The following NTNG1 variants were observed in gnomAD, a reference collection of about 807,000 sequenced individuals.
NTNG1 encodes the protein netrin G1.
A neutral mutation model predicts 54.0 loss-of-function variants in NTNG1; 16 were observed. That is an observed-to-expected ratio of 0.30 (90% CI 0.20 to 0.45). The LOEUF (loss-of-function observed/expected upper bound fraction) is 0.45, where lower values mean the gene tolerates loss of function less well. Among genes scored for constraint, NTNG1 ranks in the 20% least tolerant of loss-of-function variants. The pLI is 1.00. For missense variants in NTNG1, 530 were observed against 678.7 expected (o/e 0.78, Z 2.43); for synonymous variants, 255 against 263.1 (o/e 0.97, Z 0.30).
chr1:107,266,373 CTT>C (rs1663737552), intron 2 of NTNG1, among the ~76,000 whole-genome samples: 1 of 152,052 alleles, frequency 6.6e-6, no homozygotes. Flanking sequence ...CCTAAGGAAA[CTT>C]TTAACCATGG....
chr1:107,222,987 T>A (rs1298858228), intron 2 of NTNG1, among the ~76,000 whole-genome samples: 1 of 151,890 alleles, frequency 6.6e-6, no homozygotes, highest in Non-Finnish European at 1.5e-5. Flanking sequence ...AAGGGGGACT[T>A]TTTTGAGCCA....
intron 4 of NTNG1, among the ~76,000 whole-genome samples, chr1:107,398,012 C>T (rs139148020): frequency 2.0e-5 from 3 of 152,002 alleles, no homozygotes; most frequent in East Asian, 1.9e-4. Context: ...CTAGTGGGTA[C>T]GTTACAAGTC....
chr1:107,281,938 C>T (rs1026695485), intron 2 of NTNG1, among the ~76,000 whole-genome samples: 5 of 152,134 alleles, frequency 3.3e-5, no homozygotes, highest in African/African-American at 1.2e-4. Context: ...TTCAGATCAG[C>T]ACTAGTCCTC....
chr1:107,376,414 AAAC>A (rs765999285), intron 3 of NTNG1, among the ~76,000 whole-genome samples: 1 of 31,600 alleles, frequency 3.2e-5, no homozygotes, highest in Non-Finnish European at 7.5e-5. Context: ...TCTCAAAACA[AAAC>A]AAAAAAAAAA....
rs140487618 is a variant in NTNG1, at chr1:107,254,688, T to C, written c.247-69594T>C. On this transcript the variant is annotated intron_variant, in intron 2 of 7. Transcript: ENST00000370068. ...AATGGGGAATCGTAACAAATTTAAA[T>C]AGAAGAGTACTTTTGAAAGAAAAAA... is the stretch of plus-strand genomic sequence containing the variant. Among the ~76,000 whole-genome samples the C allele has an allele frequency of 5.0e-3, 767 of 152,196 alleles. 8 individuals carry two copies. The highest frequency in any genetic ancestry group is 0.018 in the African/African-American group (734 of 41,536).
rs974821464 is a variant in NTNG1 at position 107,141,112 on chromosome 1, G to A, written c.-554G>A. On this transcript the variant is annotated 5_prime_UTR_variant, in exon 1 of 8. Transcript: ENST00000370068. ...GGGCTCCGAGAGGGGGCGACTTGCA[G>A]GAGGCTCCCCCCGGGGGCGGAGGCG... 2 of 152,442 alleles carry A rather than the reference G, an allele frequency of 1.3e-5. No homozygotes were observed. The highest frequency in any genetic ancestry group is 4.8e-5 in the African/African-American group (2 of 41,384). The allele number at this position is 152,442 out of a possible 1,614,324, so 9.4% of individuals were successfully genotyped here. A position where few individuals can be genotyped will look rare whatever the true frequency, so the allele number is the denominator to read the frequency against.
At chr1:107,455,777 C>T (rs1444879560) in intron 7 of NTNG1, among the ~76,000 whole-genome samples, 2 of 152,194 alleles carry the variant, frequency 1.3e-5, no homozygotes, top group African/African-American at 2.4e-5. Context: ...GGTCAGGCTG[C>T]CTCTGTTGCC....
intron 2 of NTNG1, among the ~76,000 whole-genome samples, chr1:107,218,743 C>A (rs549275005): frequency 1.3e-5 from 2 of 152,202 alleles, no homozygotes; most frequent in South Asian, 4.1e-4. Flanking sequence ...AAATTCTTGG[C>A]TGATAGTTGT....
intron 3 of NTNG1, among the ~76,000 whole-genome samples, chr1:107,365,943 G>A (rs544075843): frequency 4.6e-5 from 7 of 152,272 alleles, no homozygotes; most frequent in African/African-American, 1.7e-4. Context: ...TTTTCTTTCA[G>A]TTCATAAATG....
intron 5 of NTNG1, among the ~76,000 whole-genome samples, chr1:107,425,385 C>T (rs1027396583): frequency 3.3e-5 from 5 of 151,826 alleles, no homozygotes; most frequent in South Asian, 2.1e-4. Context: ...TCTTTATGTC[C>T]GTATGTACCC....
chr1:107,430,924 T>C lies in NTNG1; in HGVS notation c.1255+7T>C, dbSNP rs919933445. ...GATGAGAATGTGTGCATAGGTCAGTTCCATTACAATTTCAGCTATTCTTCT... is the reference window on the plus strand; with the variant it reads ...GATGAGAATGTGTGCATAGGTCAGTCCCATTACAATTTCAGCTATTCTTCT... On this transcript the variant is annotated splice_region_variant and intron_variant, in intron 6 of 7. Transcript: ENST00000370068. 6.2e-7 allele frequency: 1 copy of C among 1,611,510 alleles called. No individual in the cohort carries two copies. Among genetic ancestry groups the C allele is most frequent in the Middle Eastern group, 1.7e-4 (1 of 6,032 alleles).
intron 2 of NTNG1, among the ~76,000 whole-genome samples, chr1:107,279,942 T>G (rs777890463): frequency 6.6e-6 from 1 of 151,890 alleles, no homozygotes; most frequent in Non-Finnish European, 1.5e-5. Flanking sequence ...GGACTAGAGG[T>G]GCACACCACC....
In NTNG1 at chr1:107,329,099, A is replaced by G. The variant is rs532672754; in HGVS notation, c.887+4177A>G. The G allele has an allele frequency of 5.9e-5, 9 of 152,326 alleles. No homozygotes were observed. In the East Asian group the frequency reaches 1.4e-3, roughly 23 times the overall value. 9.4% of individuals were successfully genotyped at this position (152,326 alleles called of 1,614,324 possible). A position where few individuals can be genotyped will look rare whatever the true frequency, so the allele number is the denominator to read the frequency against. On this transcript the variant is annotated intron_variant, in intron 3 of 7. Transcript: ENST00000370068. ...CCATTATAGGTAGTTGACTGCCATA[A>G]TAGTGAACAGTATTTTTTCCTTTTT...
chr1:107,249,333 T>C (rs1447053343), intron 2 of NTNG1, among the ~76,000 whole-genome samples: 1 of 151,236 alleles, frequency 6.6e-6, no homozygotes, highest in African/African-American at 2.4e-5. Flanking sequence ...AAATGCAAAA[T>C]TAGCTGGGCG....
chr1:107,311,531 T>C (rs1667011690), intron 2 of NTNG1, among the ~76,000 whole-genome samples: 1 of 152,176 alleles, frequency 6.6e-6, no homozygotes, highest in African/African-American at 2.4e-5. Context: ...GGACTTTTTT[T>C]TTCTACATTG....
intron 2 of NTNG1, among the ~76,000 whole-genome samples, chr1:107,315,556 A>T (rs1003464530): frequency 6.6e-6 from 1 of 152,092 alleles, no homozygotes; most frequent in African/African-American, 2.4e-5. Context: ...ATCACTTTGT[A>T]TCAGTTCCGT....
Position 107,264,634 on chromosome 1 carries a change from T to A in NTNG1, c.247-59648T>A, listed in dbSNP as rs190025106. The stretch of plus-strand genomic sequence containing the variant: ...TATTTCTTTATAAATTGGCAGTTTT[T>A]AAAATGAAAATCATTTTGCATCTAT... On this transcript the variant is annotated intron_variant, in intron 2 of 7. Coordinates refer to ENST00000370068, the MANE Select transcript of NTNG1 (RefSeq NM_001113226.3). Among the ~76,000 whole-genome samples the A allele has an allele frequency of 4.2e-3, 647 of 152,360 alleles. 5 individuals carry two copies. Among genetic ancestry groups the A allele is most frequent in the African/African-American group, 0.015 (610 of 41,578 alleles).
At chr1:107,427,245 G>C (rs1392530018) in intron 5 of NTNG1, among the ~76,000 whole-genome samples, 4 of 151,898 alleles carry the variant, frequency 2.6e-5, no homozygotes, top group African/African-American at 9.7e-5. Flanking sequence ...CTTTTAACTG[G>C]GATCAAGATT....
chr1:107,354,112 G>T (rs547575836), intron 3 of NTNG1, among the ~76,000 whole-genome samples: 1 of 152,218 alleles, frequency 6.6e-6, no homozygotes, highest in East Asian at 1.9e-4. Context: ...GTGAGATCCA[G>T]TTTATTTTTT....
Sources: gnomAD v4.1 joint callset for allele counts (sites outside exome capture counted in the v4.1 genomes callset) on GRCh38, gnomAD v4.1.1 for gene constraint, MANE v1.5 for transcripts, NCBI Gene and HGNC (gene_info 2026-07-23, HGNC 2026-07-21) for gene names.